Variants in KIRREL3 observed in about 807,000 individuals in gnomAD.
KIRREL3 encodes the protein kin of IRRE-like protein 3.
Under a neutral mutation model 89.7 loss-of-function variants are expected in KIRREL3, and 36 were observed. The observed-to-expected ratio is 0.40, with a 90% confidence interval of 0.31 to 0.53. The LOEUF is 0.53. Among genes scored for constraint, KIRREL3 ranks in the 20% least tolerant of loss-of-function variants. The probability of loss-of-function intolerance (pLI) is 0.49; values close to 1 mark genes in which losing one functional copy is unlikely to be tolerated. For synonymous variants in KIRREL3, 445 were observed against 441.4 expected (o/e 1.01, Z -0.10); for missense variants, 864 against 1,056.6 (o/e 0.82, Z 2.53).
At chr11:126,889,200 C>T (rs1945812129) in intron 1 of KIRREL3, among the ~76,000 whole-genome samples, 1 of 151,878 alleles carries the variant, frequency 6.6e-6, no homozygotes, top group African/African-American at 2.4e-5. Flanking sequence ...CCTTAGTGAC[C>T]CCTCCCTTTT....
In KIRREL3 at chr11:126,995,176, G is replaced by A. The variant is rs923646818; in HGVS notation, c.55+5279C>T. On this transcript the variant is annotated intron_variant, in intron 1 of 16. Coordinates refer to ENST00000525144, the MANE Select transcript of KIRREL3 (RefSeq NM_032531.4). The surrounding 1 kb of genome is among the most constrained non-coding windows in gnomAD (Gnocchi z 6.5). ...ATGGGATATGAAATCCAAGGGAACTGTTAGCCCCCCAGAGCAGCTGCTCCC... is the reference window on the plus strand; with the variant it reads ...ATGGGATATGAAATCCAAGGGAACTATTAGCCCCCCAGAGCAGCTGCTCCC... 1 of 456,100 alleles carries A rather than the reference G, an allele frequency of 2.2e-6. No homozygotes were observed. Among genetic ancestry groups the A allele is most frequent in the Non-Finnish European group, 4.4e-6 (1 of 226,942 alleles). The allele number at this position is 456,100 out of a possible 1,614,324, so 28.3% of individuals were successfully genotyped here.
At chr11:126,923,190 T>TTCTTCTTC (rs1565423172) in intron 1 of KIRREL3, among the ~76,000 whole-genome samples, 5 of 10,348 alleles carry the variant, frequency 4.8e-4, no homozygotes, top group Admixed American at 9.1e-4. Context: ...TCTTCTTCTC[T>TTCTTCTTC]TCTTCTTCTT....
At position 126,515,261 on chromosome 11, in the gene KIRREL3, AAACAAAACAG is replaced by A. The variant is rs1958374631; in HGVS notation, c.433+6044_433+6053del. Among the ~76,000 whole-genome samples, 1 of 152,056 alleles carries A rather than the reference AAACAAAACAG, an allele frequency of 6.6e-6. No homozygotes were observed. Among genetic ancestry groups the A allele is most frequent in the South Asian group, 2.1e-4 (1 of 4,816 alleles). On this transcript the variant is annotated intron_variant, in intron 4 of 16. Coordinates refer to ENST00000525144, the MANE Select transcript of KIRREL3 (RefSeq NM_032531.4). This position sits in a 1 kb window ranked among gnomAD's most constrained non-coding sequence, Gnocchi z 4.2. ...ACATGGCAAAACCCGGTCTCTACAA[AAACAAAACAG>A]AACAAAACAAAAAAACAAACAAACA...
At chr11:126,882,114 A>G (rs1939987) in intron 1 of KIRREL3, among the ~76,000 whole-genome samples, 93,591 of 151,922 alleles carry the variant, frequency 0.62, 30,351 homozygotes, top group African/African-American at 0.82. Context: ...TGAGCAGTTC[A>G]GTCCTGGAAA....
chr11:126,890,654 T>C lies in KIRREL3; in HGVS notation c.55+109801A>G, dbSNP rs951669682. ...TTCATTTCGATGGCCAAGCAGCTTC[T>C]ATCAGCTTTTCTCTTTCTTTACAGG... On this transcript the variant is annotated intron_variant, in intron 1 of 16. Coordinates refer to ENST00000525144, the MANE Select transcript of KIRREL3 (RefSeq NM_032531.4). This position sits in a 1 kb window ranked among gnomAD's most constrained non-coding sequence, Gnocchi z 5.1. Among the ~76,000 whole-genome samples the C allele has an allele frequency of 2.0e-5, 3 of 152,264 alleles. No individual in the cohort carries two copies. Among genetic ancestry groups the C allele is most frequent in the African/African-American group, 7.2e-5 (3 of 41,480 alleles).
rs1957633735 is a variant in KIRREL3, at chr11:126,495,569, C to T, written c.434-22103G>A. Reference sequence around the variant, plus strand: ...TTATTGTTTATACCTGGCCTTCCTCCTCCGGGTCTAGCGCCACCCCAGCAG... The same window carrying T: ...TTATTGTTTATACCTGGCCTTCCTCTTCCGGGTCTAGCGCCACCCCAGCAG... On this transcript the variant is annotated intron_variant, in intron 4 of 16. Transcript: ENST00000525144. The surrounding 1 kb of genome is among the most constrained non-coding windows in gnomAD (Gnocchi z 6.5). 6.6e-6 allele frequency among the ~76,000 whole-genome samples: 1 copy of T among 152,152 alleles called. No individual in the cohort carries two copies. The highest frequency in any genetic ancestry group is 1.5e-5 in the Non-Finnish European group (1 of 68,036).
chr11:126,435,216 AG>A, intron 13 of KIRREL3, 51 bp downstream of exon 13: 1 of 1,598,118 alleles, frequency 6.3e-7, no homozygotes, highest in Non-Finnish European at 8.6e-7. Context: ...CCAGCTAGCC[AG>A]GAAGTCCCTT....
Position 126,628,322 on chromosome 11 carries a change from C to T in KIRREL3, c.56-65410G>A, listed in dbSNP as rs1019810484. ...AATGAGAACATTCCGGAAGGAAGCA[C>T]TCTTCTTTCTCTGGCTGCTGGAGTA... is the stretch of plus-strand genomic sequence containing the variant. On this transcript the variant is annotated intron_variant, in intron 1 of 16. Transcript: ENST00000525144. This position sits in a 1 kb window ranked among gnomAD's most constrained non-coding sequence, Gnocchi z 5.2. 2.0e-5 allele frequency among the ~76,000 whole-genome samples: 3 copies of T among 152,202 alleles called. No homozygotes were observed. The highest frequency in any genetic ancestry group is 7.2e-5 in the African/African-American group (3 of 41,442).
At chr11:126,649,096 C>T (rs1263968853) in intron 1 of KIRREL3, among the ~76,000 whole-genome samples, 1 of 152,112 alleles carries the variant, frequency 6.6e-6, no homozygotes. Context: ...CCTGATATAA[C>T]CATCAGATCT....
chr11:126,563,274 T>A lies in KIRREL3; in HGVS notation c.56-362A>T, dbSNP rs962847104. On this transcript the variant is annotated intron_variant, in intron 1 of 16. Coordinates refer to ENST00000525144, the MANE Select transcript of KIRREL3 (RefSeq NM_032531.4). This position sits in a 1 kb window ranked among gnomAD's most constrained non-coding sequence, Gnocchi z 6.8. ...ACATAACTCTGGGTTATTGAGGCCCTTTGTATCTCAGGCTTGGGGACTATG... is the reference window on the plus strand; with the variant it reads ...ACATAACTCTGGGTTATTGAGGCCCATTGTATCTCAGGCTTGGGGACTATG... Among the ~76,000 whole-genome samples, 7 of 152,188 alleles carry A rather than the reference T, an allele frequency of 4.6e-5. No homozygotes were observed. The South Asian group carries it at 1.4e-3, about 32-fold the overall frequency.
rs1368399043 is a variant in KIRREL3 at position 126,620,659 on chromosome 11, T to C, written c.56-57747A>G. The stretch of plus-strand genomic sequence containing the variant: ...AAAGGATTTCTCTACTAAGCAGATG[T>C]TACAATTAGTTCCTTCCTGGTCCCA... On this transcript the variant is annotated intron_variant, in intron 1 of 16. Coordinates refer to ENST00000525144, the MANE Select transcript of KIRREL3 (RefSeq NM_032531.4). The surrounding 1 kb of genome is among the most constrained non-coding windows in gnomAD (Gnocchi z 4.8). Among the ~76,000 whole-genome samples, 4 of 152,186 alleles carry C rather than the reference T, an allele frequency of 2.6e-5. No individual in the cohort carries two copies. The highest frequency in any genetic ancestry group is 9.6e-5 in the African/African-American group (4 of 41,458).
intron 1 of KIRREL3, among the ~76,000 whole-genome samples, chr11:126,881,736 T>G (rs4589312): frequency 6.6e-6 from 1 of 151,760 alleles, no homozygotes; most frequent in Admixed American, 6.6e-5. Context: ...TTAGTAGAGA[T>G]GGGGTTTCAC....
rs1565472810 is a variant in KIRREL3, at chr11:126,459,728, G to A, written c.743-3274C>T. 6.6e-6 allele frequency among the ~76,000 whole-genome samples: 1 copy of A among 152,204 alleles called. No homozygotes were observed. The highest frequency in any genetic ancestry group is 1.5e-5 in the Non-Finnish European group (1 of 68,038). Reference sequence around the variant, plus strand: ...TTTCCATCCGCCCGTGTGTGCGTGTGTCCATGTGTGTGTGTTTTCAGGGGA... The same window carrying A: ...TTTCCATCCGCCCGTGTGTGCGTGTATCCATGTGTGTGTGTTTTCAGGGGA... On this transcript the variant is annotated intron_variant, in intron 6 of 16. Coordinates refer to ENST00000525144, the MANE Select transcript of KIRREL3 (RefSeq NM_032531.4). The surrounding 1 kb of genome is among the most constrained non-coding windows in gnomAD (Gnocchi z 4.8).
rs1200316657 is a variant in KIRREL3 at position 126,563,477 on chromosome 11, C to T, written c.56-565G>A. Among the ~76,000 whole-genome samples the T allele has an allele frequency of 6.6e-6, 1 of 152,164 alleles. No individual in the cohort carries two copies. The highest frequency in any genetic ancestry group is 1.5e-5 in the Non-Finnish European group (1 of 68,036). ...GTTAAGGTATAGGCAGAAGAGCTCTCTCTACCTTTTGGAGAGGGTGCGTTT... is the reference window on the plus strand; with the variant it reads ...GTTAAGGTATAGGCAGAAGAGCTCTTTCTACCTTTTGGAGAGGGTGCGTTT... On this transcript the variant is annotated intron_variant, in intron 1 of 16. Coordinates refer to ENST00000525144, the MANE Select transcript of KIRREL3 (RefSeq NM_032531.4). This position sits in a 1 kb window ranked among gnomAD's most constrained non-coding sequence, Gnocchi z 6.8.
chr11:127,000,126 G>T lies in KIRREL3; in HGVS notation c.55+329C>A, dbSNP rs1950280150. Reference sequence around the variant, plus strand: ...GAGGAGGTGCCCAGAAGTTCAGAGCGGCATAACCACAGAGATACTACCTAA... The same window carrying T: ...GAGGAGGTGCCCAGAAGTTCAGAGCTGCATAACCACAGAGATACTACCTAA... On this transcript the variant is annotated intron_variant, in intron 1 of 16. Coordinates refer to ENST00000525144, the MANE Select transcript of KIRREL3 (RefSeq NM_032531.4). This position sits in a 1 kb window ranked among gnomAD's most constrained non-coding sequence, Gnocchi z 7.1. Among the ~76,000 whole-genome samples the T allele has an allele frequency of 6.6e-6, 1 of 151,918 alleles. No homozygotes were observed. Among genetic ancestry groups the T allele is most frequent in the Non-Finnish European group, 1.5e-5 (1 of 67,998 alleles).
Position 126,916,236 on chromosome 11 carries a change from C to G in KIRREL3, c.55+84219G>C, listed in dbSNP as rs567625739. Among the ~76,000 whole-genome samples, 20 of 152,240 alleles carry G rather than the reference C, an allele frequency of 1.3e-4. No homozygotes were observed. In the South Asian group the frequency reaches 2.5e-3, roughly 19 times the overall value. ...TCAGTGGTAAAACTGGAGTAGGTTTCAGATCACCTGAGTCTCAGAATGTGC... is the reference window on the plus strand; with the variant it reads ...TCAGTGGTAAAACTGGAGTAGGTTTGAGATCACCTGAGTCTCAGAATGTGC... On this transcript the variant is annotated intron_variant, in intron 1 of 16. Transcript: ENST00000525144.
intron 1 of KIRREL3, among the ~76,000 whole-genome samples, chr11:126,998,032 G>T (rs925755883): frequency 2.0e-5 from 3 of 152,110 alleles, no homozygotes; most frequent in Non-Finnish European, 2.9e-5. Context: ...CATTCTGGGG[G>T]ATCACAGTGG....
chr11:126,553,062 G>C lies in KIRREL3; in HGVS notation c.133+9773C>G, dbSNP rs115251026. Among the ~76,000 whole-genome samples the C allele has an allele frequency of 5.0e-3, 761 of 152,300 alleles. 13 individuals carry two copies. The highest frequency in any genetic ancestry group is 0.017 in the African/African-American group (721 of 41,564). On this transcript the variant is annotated intron_variant, in intron 2 of 16. Transcript: ENST00000525144. This position sits in a 1 kb window ranked among gnomAD's most constrained non-coding sequence, Gnocchi z 4.7. ...TCATGGTGTGTGTGAGCACACTCGT[G>C]AAGGCGTGCAAGCCAGCCCTTCATG...
intron 1 of KIRREL3, chr11:126,936,583 T>G (rs1023490521): frequency 6.8e-6 from 1 of 147,720 alleles, no homozygotes; most frequent in Non-Finnish European, 1.5e-5. Flanking sequence ...CAAATGCATA[T>G]TGAATGCATA....
Sources: allele counts gnomAD v4.1 joint callset (sites outside exome capture counted in the v4.1 genomes callset), GRCh38; gene constraint gnomAD v4.1.1; non-coding constraint Gnocchi (gnomAD v3.1); transcripts MANE v1.5; gene names NCBI Gene and HGNC (gene_info 2026-07-23, HGNC 2026-07-21).